CYLD: variants seen among roughly 807,000 people sequenced by gnomAD.
The protein encoded by CYLD is CYLD lysine 63 deubiquitinase.
CYLD carries 26 observed loss-of-function variants against 104.5 expected under a neutral mutation model. That is an observed-to-expected ratio of 0.25 (90% CI 0.18 to 0.35). The LOEUF (loss-of-function observed/expected upper bound fraction) is 0.35. CYLD is among the 10% of genes least tolerant of loss of function. CYLD has a pLI of 1.00. For synonymous variants in CYLD, 385 were observed against 399.9 expected (o/e 0.96, Z 0.45); for missense variants, 703 against 1,136.1 (o/e 0.62, Z 5.48).
At position 50,800,547 on chromosome 16, in the gene CYLD, T is replaced by A. The variant is rs1044287950; in HGVS notation, c.*4039T>A. 1 of 232,956 alleles carries A rather than the reference T, an allele frequency of 4.3e-6. No homozygotes were observed. Among genetic ancestry groups the A allele is most frequent in the Non-Finnish European group, 8.5e-6 (1 of 117,874 alleles). 14.4% of individuals were successfully genotyped at this position (232,956 alleles called of 1,614,324 possible). ...ATACAAGTAAGACTTAAGAGGATAT[T>A]TGATGTTATTTACCTGGATATTTTC... On this transcript the variant is annotated 3_prime_UTR_variant, in exon 19 of 19. Transcript: ENST00000427738.
rs1039703651 is a variant in CYLD, at chr16:50,779,837, A to C, written c.1311A>C (p.Pro437=). 9 of 1,613,450 alleles carry C rather than the reference A, an allele frequency of 5.6e-6. No individual in the cohort carries two copies. The highest frequency in any genetic ancestry group is 7.6e-6 in the Non-Finnish European group (9 of 1,179,972). ...PNTNGSIGHS[P]LSLSAQSVME... ...CCAATGGAAGTATTGGCCACAGTCC[A>C]CTTTCTCTGTCAGCCCAGTCTGTAA... The change falls in exon 9 of 19, where the codon CCA becomes CCC. Residue 437 remains proline (P), a synonymous_variant. Transcript: ENST00000427738.
chr16:50,774,635 T>A lies in CYLD; in HGVS notation c.914-531T>A, dbSNP rs80037683. ...ACTAAGTGACTAACAAGGCAGGGAG[T>A]AGACACAGTGTGGAGATGCTGGACG... is the stretch of plus-strand genomic sequence containing the variant. On this transcript the variant is annotated intron_variant, in intron 5 of 18. Transcript: ENST00000427738. 2.3e-3 allele frequency among the ~76,000 whole-genome samples: 343 copies of A among 152,168 alleles called. 10 individuals carry two copies. In the East Asian group the frequency reaches 0.05, roughly 22 times the overall value.
rs74757288 is a variant in CYLD at position 50,798,614 on chromosome 16, GAA to G, written c.*2121_*2122del. ...TAGGTAAGACTGGATTTAACAGTTG[GAA>G]AAAAAAAAAAAAAAGGAGAGAGAAG... On this transcript the variant is annotated 3_prime_UTR_variant, in exon 19 of 19. Transcript: ENST00000427738. 0.016 allele frequency: 3,279 copies of G among 202,810 alleles called. 2 individuals carry two copies. The highest frequency in any genetic ancestry group is 0.027 in the Middle Eastern group (19 of 696). The allele number at this position is 202,810 out of a possible 1,614,324, so 12.6% of individuals were successfully genotyped here.
In CYLD at chr16:50,754,434, C is replaced by A. The variant is rs1567425319; in HGVS notation, c.913+10C>A. ...AATGATATCATCCCAGGTATGTTTTCTTTGTTTTATACATTTATAAGGCAA... is the reference window on the plus strand; with the variant it reads ...AATGATATCATCCCAGGTATGTTTTATTTGTTTTATACATTTATAAGGCAA... On this transcript the variant is annotated intron_variant, in intron 5 of 18. Transcript: ENST00000427738. 1 of 1,566,448 alleles carries A rather than the reference C, an allele frequency of 6.4e-7. No individual in the cohort carries two copies. The highest frequency in any genetic ancestry group is 8.8e-7 in the Non-Finnish European group (1 of 1,139,052).
intron 2 of CYLD, among the ~76,000 whole-genome samples, chr16:50,743,734 T>C (rs1252494620): frequency 6.6e-6 from 1 of 152,218 alleles, no homozygotes; most frequent in Non-Finnish European, 1.5e-5. Flanking sequence ...GCATCATACA[T>C]GCTAGTTGAG....
intron 5 of CYLD, among the ~76,000 whole-genome samples, chr16:50,758,346 G>C (rs1967507636): frequency 6.6e-6 from 1 of 152,174 alleles, no homozygotes; most frequent in African/African-American, 2.4e-5. Flanking sequence ...GAGGGAGAAA[G>C]TTGTAGGAGC....
chr16:50,748,702 TTATAA>T (rs1387840104), intron 2 of CYLD, among the ~76,000 whole-genome samples: 10 of 152,210 alleles, frequency 6.6e-5, no homozygotes, highest in African/African-American at 1.9e-4. Flanking sequence ...TATAGTCATA[TTATAA>T]TATCTGATAT....
At chr16:50,779,609 G>A in intron 8 of CYLD, 56 bp from the exon 9 acceptor site, 1 of 1,579,452 alleles carries the variant, frequency 6.3e-7, no homozygotes, top group South Asian at 1.1e-5. Context: ...TTTTAGAAAT[G>A]TAAGACAGAG....
chr16:50,791,469 G>A lies in CYLD; in HGVS notation c.2109-89G>A, dbSNP rs1971424304. On this transcript the variant is annotated intron_variant, in intron 14 of 18. Transcript: ENST00000427738. ...ACACCATCAATTTTATGGTTTTTCT[G>A]TTCTCAAATACTGCTGGGACAACTT... 3 of 1,425,088 alleles carry A rather than the reference G, an allele frequency of 2.1e-6. No individual in the cohort carries two copies. The East Asian group carries it at 6.9e-5, about 33-fold the overall frequency. 88.3% of individuals were successfully genotyped at this position (1,425,088 alleles called of 1,614,324 possible).
Position 50,750,076 on chromosome 16 carries a change from C to T in CYLD, c.378C>T (p.Asp126=), listed in dbSNP as rs369238843. ...RNRLSKGLQI[D]VGCPVKVQLR... ...GACTAAGTAAAGGCCTCCAAATAGA[C>T]GTGGGCTGTCCTGTGAAAGTACAGC... is the stretch of plus-strand genomic sequence containing the variant. Residue 126 remains aspartate (D), a synonymous_variant, in exon 3 of 19, where the codon GAC becomes GAT. Transcript: ENST00000427738. The T allele has an allele frequency of 5.1e-5, 82 of 1,613,976 alleles. No homozygotes were observed. In the African/African-American group the frequency reaches 8.5e-4, roughly 17 times the overall value.
intron 2 of CYLD, among the ~76,000 whole-genome samples, chr16:50,746,530 G>A (rs1966209514): frequency 6.6e-6 from 1 of 152,146 alleles, no homozygotes; most frequent in South Asian, 2.1e-4. Context: ...TAATGCTTTT[G>A]AAATATTTGA....
At chr16:50,782,518 A>C (rs1379557563) in intron 11 of CYLD, 52 bp downstream of exon 11, 2 of 1,590,576 alleles carry the variant, frequency 1.3e-6, no homozygotes, top group African/African-American at 2.7e-5. Context: ...AGGCAGGGAC[A>C]CATACCGGTG....
intron 11 of CYLD, 55 bp downstream of exon 11, chr16:50,782,521 TACCG>T: frequency 2.0e-6 from 3 of 1,538,410 alleles, no homozygotes; most frequent in Non-Finnish European, 2.7e-6. Context: ...CAGGGACACA[TACCG>T]GTGTGTGTGT....
At chr16:50,788,946 A>G (rs1355613518) in intron 14 of CYLD, among the ~76,000 whole-genome samples, 2 of 152,214 alleles carry the variant, frequency 1.3e-5, no homozygotes, top group African/African-American at 4.8e-5. Flanking sequence ...CGTTCTGGGT[A>G]GGACAATTAA....
chr16:50,778,802 C>T (rs1969933629), intron 8 of CYLD, among the ~76,000 whole-genome samples: 1 of 152,126 alleles, frequency 6.6e-6, no homozygotes, highest in Non-Finnish European at 1.5e-5. Flanking sequence ...TTTTAAGGCA[C>T]CTGGAGCTGA....
At chr16:50,791,758 C>T (rs75719093) in intron 15 of CYLD, 68 bp downstream of exon 15, 6 of 1,539,356 alleles carry the variant, frequency 3.9e-6, no homozygotes, top group Non-Finnish European at 4.5e-6. Context: ...TTGGTAGTTT[C>T]AGTATCTATT....
chr16:50,797,045 G>C lies in CYLD; in HGVS notation c.*537G>C, dbSNP rs1412143376. On this transcript the variant is annotated 3_prime_UTR_variant, in exon 19 of 19. Transcript: ENST00000427738. The stretch of plus-strand genomic sequence containing the variant: ...TGCTGATCTTGCATGTCTACAATCT[G>C]CTCAGTTTTTCTGTGTTTCTGCAAT... 4.2e-6 allele frequency: 1 copy of C among 236,464 alleles called. No individual in the cohort carries two copies. Among genetic ancestry groups the C allele is most frequent in the Non-Finnish European group, 8.3e-6 (1 of 120,008 alleles). The allele number at this position is 236,464 out of a possible 1,614,324, so 14.6% of individuals were successfully genotyped here.
chr16:50,749,399 T>C, intron 2 of CYLD, 177 bp from the exon 3 acceptor site: 1 of 529,040 alleles, frequency 1.9e-6, no homozygotes, highest in East Asian at 3.0e-5. Flanking sequence ...TAATACAGTA[T>C]GTATGTCTTT....
chr16:50,764,200 G>A (rs758845016), intron 5 of CYLD, among the ~76,000 whole-genome samples: 3 of 151,992 alleles, frequency 2.0e-5, no homozygotes, highest in African/African-American at 4.8e-5. Flanking sequence ...AATCAAAGTC[G>A]TGCTTGTCTC....
Sources: allele counts gnomAD v4.1 joint callset (sites outside exome capture counted in the v4.1 genomes callset), GRCh38; gene constraint gnomAD v4.1.1; transcripts MANE v1.5; gene names NCBI Gene and HGNC (gene_info 2026-07-23, HGNC 2026-07-21).